Variants in FRMD4B observed in about 807,000 individuals in gnomAD.
FRMD4B encodes FERM domain containing 4B.
A neutral mutation model predicts 141.5 loss-of-function variants in FRMD4B; 74 were observed. The observed-to-expected ratio is 0.52, with a 90% CI of 0.43 to 0.63. FRMD4B has a LOEUF of 0.63. Ranked by LOEUF, FRMD4B falls within the 30% of genes least tolerant of loss-of-function variation. The pLI, the probability that FRMD4B is intolerant of heterozygous loss-of-function variation, is 0.00. For synonymous variants in FRMD4B, 506 were observed against 467.9 expected (o/e 1.08, Z -1.05); for missense variants, 1,366 against 1,253.4 (o/e 1.09, Z -1.36).
intron 1 of FRMD4B, among the ~76,000 whole-genome samples, chr3:69,439,382 A>G (rs1027538875): frequency 6.6e-6 from 1 of 152,152 alleles, no homozygotes; most frequent in Non-Finnish European, 1.5e-5. Context: ...AACCTACATG[A>G]GAGTACATGG....
In FRMD4B at chr3:69,492,629, AT is replaced by A. The variant is rs75985788; in HGVS notation, c.-129+49576del. 5.6e-3 allele frequency among the ~76,000 whole-genome samples: 846 copies of A among 152,292 alleles called. 38 individuals are homozygous for A. In the East Asian group the frequency reaches 0.12, roughly 22 times the overall value. ...CCCTTCTGCGACCCTGGAAGAAACC[AT>A]TTTGTCAGGGAACCACTTATCCCTA... On this transcript the variant is annotated intron_variant, in intron 1 of 5. Transcript: ENST00000459638.
intron 7 of FRMD4B, among the ~76,000 whole-genome samples, chr3:69,238,194 C>T (rs2093358749): frequency 6.6e-6 from 1 of 152,188 alleles, no homozygotes; most frequent in Non-Finnish European, 1.5e-5. Context: ...CACCTAGCTG[C>T]CCATCATTTT....
At chr3:69,331,033 G>C (rs148659606) in intron 1 of FRMD4B, among the ~76,000 whole-genome samples, 1 of 150,282 alleles carries the variant, frequency 6.7e-6, no homozygotes, top group African/African-American at 2.5e-5. Context: ...CAGAAGGAAC[G>C]AACGTGTCTT....
intron 5 of FRMD4B, among the ~76,000 whole-genome samples, chr3:69,261,782 C>T (rs574462032): frequency 2.0e-5 from 3 of 152,274 alleles, no homozygotes; most frequent in African/African-American, 7.2e-5. Context: ...AAGCAATTCT[C>T]CTGCCTCAGC....
intron 7 of FRMD4B, among the ~76,000 whole-genome samples, chr3:69,242,707 A>G (rs1401825157): frequency 2.7e-5 from 4 of 150,184 alleles, no homozygotes; most frequent in African/African-American, 9.9e-5. Context: ...AAAAAAAAAA[A>G]AGGCCGGGCT....
chr3:69,214,594 C>A (rs1232524815), intron 11 of FRMD4B, among the ~76,000 whole-genome samples: 1 of 152,124 alleles, frequency 6.6e-6, no homozygotes, highest in Non-Finnish European at 1.5e-5. Context: ...CACAGTGGCT[C>A]GTGCCTGTAA....
At chr3:69,175,866 T>C (rs1440672622) in intron 22 of FRMD4B, among the ~76,000 whole-genome samples, 1 of 150,028 alleles carries the variant, frequency 6.7e-6, no homozygotes, top group Admixed American at 6.7e-5. Context: ...CTGCAAGCTC[T>C]GCCTCTGGGG....
intron 1 of FRMD4B, chr3:69,376,844 G>A (rs191724715): frequency 6.6e-6 from 1 of 152,088 alleles, no homozygotes; most frequent in African/African-American, 2.4e-5. Context: ...GAGTCATTCA[G>A]ACTTTTCCAC....
chr3:69,255,405 G>A (rs1377596418), intron 5 of FRMD4B, among the ~76,000 whole-genome samples: 1 of 152,138 alleles, frequency 6.6e-6, no homozygotes, highest in African/African-American at 2.4e-5. Context: ...GCCGGGTCCA[G>A]TGAGTGGTAT....
chr3:69,517,318 A>T (rs1700778257), intron 1 of FRMD4B, among the ~76,000 whole-genome samples: 1 of 152,140 alleles, frequency 6.6e-6, no homozygotes, highest in Admixed American at 6.5e-5. Context: ...TTCCTCTGTG[A>T]TGGCTCGCCC....
intron 1 of FRMD4B, among the ~76,000 whole-genome samples, chr3:69,530,235 A>T (rs1324630649): frequency 1.3e-5 from 2 of 152,234 alleles, no homozygotes; most frequent in Non-Finnish European, 2.9e-5. Flanking sequence ...CAAATCTTAT[A>T]TTGAAATTTA....
intron 1 of FRMD4B, among the ~76,000 whole-genome samples, chr3:69,489,292 A>G: frequency 6.6e-6 from 1 of 150,490 alleles, no homozygotes; most frequent in East Asian, 1.9e-4. Flanking sequence ...ACATATATAA[A>G]TGAGATATAT....
At chr3:69,381,185 T>C (rs1704110204) in intron 1 of FRMD4B, among the ~76,000 whole-genome samples, 1 of 152,246 alleles carries the variant, frequency 6.6e-6, no homozygotes, top group South Asian at 2.1e-4. Context: ...CAGAAATACC[T>C]TATAGCTAGT....
chr3:69,433,165 A>T (rs1221866460), intron 1 of FRMD4B: 1 of 152,238 alleles, frequency 6.6e-6, no homozygotes, highest in Admixed American at 6.5e-5. Flanking sequence ...TTTCAGAGTT[A>T]CTGAAACCAG....
At chr3:69,223,642 C>T (rs1173023512) in intron 8 of FRMD4B, among the ~76,000 whole-genome samples, 1 of 152,120 alleles carries the variant, frequency 6.6e-6, no homozygotes, top group South Asian at 2.1e-4. Flanking sequence ...AGTTTGAGAC[C>T]AGCCTGATCA....
intron 1 of FRMD4B, among the ~76,000 whole-genome samples, chr3:69,313,836 T>C (rs1701692607): frequency 6.6e-6 from 1 of 151,966 alleles, no homozygotes; most frequent in Non-Finnish European, 1.5e-5. Context: ...TTCCTGGAAT[T>C]AATGTTTTAT....
At chr3:69,410,732 T>TATATATATAC (rs1704744515) in intron 2 of FRMD4B, among the ~76,000 whole-genome samples, 1 of 9,374 alleles carries the variant, frequency 1.1e-4, no homozygotes, top group South Asian at 3.7e-3. Context: ...AATAAATATA[T>TATATATATAC]ATATATATAT....
chr3:69,454,437 G>T (rs532693296), intron 1 of FRMD4B, among the ~76,000 whole-genome samples: 5 of 152,324 alleles, frequency 3.3e-5, no homozygotes, highest in Admixed American at 1.3e-4. Context: ...GAGGTGTGGA[G>T]GAAGAGGTGC....
At chr3:69,304,609 A>G (rs1261935323) in intron 3 of FRMD4B, among the ~76,000 whole-genome samples, 1 of 151,996 alleles carries the variant, frequency 6.6e-6, no homozygotes, top group Non-Finnish European at 1.5e-5. Context: ...CAAGAGCCTC[A>G]CCAAGTTCAT....
Sources: allele counts gnomAD v4.1 joint callset (sites outside exome capture counted in the v4.1 genomes callset), GRCh38; gene constraint gnomAD v4.1.1; transcripts MANE v1.5; gene names NCBI Gene and HGNC (gene_info 2026-07-23, HGNC 2026-07-21).